The following MAF variants were observed in gnomAD, a reference collection of about 807,000 sequenced individuals.
The protein encoded by MAF is MAF bZIP transcription factor.
Under a neutral mutation model 22.0 loss-of-function variants are expected in MAF, and 10 were observed. The ratio of observed to expected loss-of-function variants is 0.45; its 90% CI spans 0.28 to 0.77. The LOEUF is 0.77. Ranked by LOEUF, MAF falls within the 30% of genes least tolerant of loss-of-function variation. MAF has a pLI of 0.12. For missense variants in MAF, 544 were observed against 548.4 expected (o/e 0.99, Z 0.08); for synonymous variants, 337 against 255.8 (o/e 1.32, Z -3.03).
the MAF span, among the ~76,000 whole-genome samples, chr16:79,405,614 C>G: frequency 3.0e-4 from 45 of 152,276 alleles, no homozygotes; most frequent in Admixed American, 3.3e-4. Flanking sequence ...CACAGTAAAG[C>G]TGATTTTTCC....
At chr16:79,594,640 T>G (rs1448677589) in intron 1 of MAF, 87 bp from the exon 2 acceptor site, 43 of 53,920 alleles carry the variant, frequency 8.0e-4, no homozygotes, top group Middle Eastern at 4.0e-3. Context: ...CCTCATATGA[T>G]TTTTTTTTTT....
chr16:79,442,090 G>C, the MAF span, among the ~76,000 whole-genome samples: 4 of 152,230 alleles, frequency 2.6e-5, no homozygotes, highest in East Asian at 7.7e-4. Context: ...CAGAGGGAAA[G>C]TGGCCCTGCC....
the MAF span, among the ~76,000 whole-genome samples, chr16:79,478,580 C>T: frequency 6.6e-6 from 1 of 152,088 alleles, no homozygotes; most frequent in African/African-American, 2.4e-5. Context: ...TTGTACCATC[C>T]CAGAGAACCA....
chr16:79,470,184 C>T, the MAF span, among the ~76,000 whole-genome samples: 58 of 152,316 alleles, frequency 3.8e-4, no homozygotes, highest in African/African-American at 1.3e-3. Context: ...ATCACATGAG[C>T]GGCGGAGATA....
At chr16:79,349,620 C>G in the MAF span, among the ~76,000 whole-genome samples, 5 of 152,198 alleles carry the variant, frequency 3.3e-5, no homozygotes, top group Admixed American at 6.5e-5. Flanking sequence ...CAGAGGATAG[C>G]TGCTGTCTGT....
downstream of MAF, among the ~76,000 whole-genome samples, chr16:79,582,902 G>C (rs1390137268): frequency 6.6e-6 from 1 of 152,160 alleles, no homozygotes; most frequent in African/African-American, 2.4e-5. Context: ...AGTGAAGATG[G>C]GGTCAAGACC....
the MAF span, among the ~76,000 whole-genome samples, chr16:79,343,523 T>C: frequency 2.0e-5 from 3 of 152,210 alleles, no homozygotes; most frequent in African/African-American, 7.2e-5. Context: ...AAATGGAAAC[T>C]TTTTTCATTT....
chr16:79,431,446 A>G, the MAF span, among the ~76,000 whole-genome samples: 331 of 152,346 alleles, frequency 2.2e-3, 1 homozygote, highest in Non-Finnish European at 2.5e-3. Context: ...AATAGGTCTT[A>G]ATACCGTACA....
At chr16:79,209,775 C>T in the MAF span, among the ~76,000 whole-genome samples, 2 of 152,138 alleles carry the variant, frequency 1.3e-5, no homozygotes, top group African/African-American at 2.4e-5. Flanking sequence ...TTCCCTTTTC[C>T]CCACATGGGA....
chr16:79,473,583 G>A, the MAF span, among the ~76,000 whole-genome samples: 2 of 152,290 alleles, frequency 1.3e-5, no homozygotes, highest in East Asian at 3.9e-4. Context: ...CCCACTGCAC[G>A]ATTCAGGGCA....
the MAF span, among the ~76,000 whole-genome samples, chr16:79,364,759 T>A: frequency 1.3e-5 from 2 of 152,176 alleles, no homozygotes; most frequent in African/African-American, 2.4e-5. Context: ...GGCAGGGTCC[T>A]ATGCCTGTGG....
chr16:79,447,905 A>AGAAAAAAAG, the MAF span, among the ~76,000 whole-genome samples: 1 of 85,808 alleles, frequency 1.2e-5, no homozygotes, highest in Non-Finnish European at 2.1e-5. Flanking sequence ...AAAAAAAAAA[A>AGAAAAAAAG]AAAAGAAAAG....
chr16:79,238,737 C>G, the MAF span, among the ~76,000 whole-genome samples: 1 of 151,960 alleles, frequency 6.6e-6, no homozygotes, highest in Admixed American at 6.6e-5. Context: ...TGAAAAAAAT[C>G]AGTCATTTAT....
At chr16:79,445,427 C>T in the MAF span, among the ~76,000 whole-genome samples, 5 of 152,154 alleles carry the variant, frequency 3.3e-5, no homozygotes, top group African/African-American at 1.2e-4. Flanking sequence ...TACAAGAACC[C>T]TTTTTACAAA....
At chr16:79,552,631 C>G in the MAF span, among the ~76,000 whole-genome samples, 1 of 152,218 alleles carries the variant, frequency 6.6e-6, no homozygotes, top group Non-Finnish European at 1.5e-5. Flanking sequence ...CTCCCCTCCC[C>G]CTTGGGCCCC....
chr16:79,302,474 T>A, the MAF span, among the ~76,000 whole-genome samples: 8,889 of 152,276 alleles, frequency 0.058, 863 homozygotes, highest in African/African-American at 0.2. Context: ...GGCTGATGCC[T>A]TAATCAGTGA....
the MAF span, among the ~76,000 whole-genome samples, chr16:79,366,238 A>G: frequency 6.6e-6 from 1 of 152,198 alleles, no homozygotes; most frequent in East Asian, 1.9e-4. Flanking sequence ...TCAGCTCTAC[A>G]AGATTCAACC....
the MAF span, among the ~76,000 whole-genome samples, chr16:79,408,091 A>AC: frequency 6.7e-6 from 1 of 149,414 alleles, no homozygotes; most frequent in Admixed American, 6.6e-5. Context: ...AAAAAAAAAA[A>AC]AAAAAAAAAC....
At chr16:79,321,841 C>A in the MAF span, among the ~76,000 whole-genome samples, 3 of 151,838 alleles carry the variant, frequency 2.0e-5, no homozygotes, top group African/African-American at 7.3e-5. Flanking sequence ...AGGTGTGAAC[C>A]ACCGTGCCCG....
Sources: gnomAD v4.1 joint callset for allele counts (sites outside exome capture counted in the v4.1 genomes callset) on GRCh38, gnomAD v4.1.1 for gene constraint, MANE v1.5 for transcripts, NCBI Gene and HGNC (gene_info 2026-07-23, HGNC 2026-07-21) for gene names.